The following OSBPL9 variants were observed in gnomAD, a reference collection of about 807,000 sequenced individuals.
OSBPL9 encodes oxysterol-binding protein-related protein 9.
In OSBPL9, 40 loss-of-function variants were observed where a neutral mutation model predicts 106.6. The observed-to-expected ratio is 0.38, with a 90% CI of 0.29 to 0.49. The LOEUF is 0.49. Among genes scored for constraint, OSBPL9 ranks in the 20% least tolerant of loss-of-function variants. The pLI is 0.97. For missense variants in OSBPL9, 609 were observed against 887.2 expected (o/e 0.69, Z 3.98); for synonymous variants, 269 against 295.4 (o/e 0.91, Z 0.92).
chr1:51,545,007 C>G, the OSBPL9 span, among the ~76,000 whole-genome samples: 1 of 151,946 alleles, frequency 6.6e-6, no homozygotes, highest in Non-Finnish European at 1.5e-5. Context: ...CCACTCCTGG[C>G]TAATTTTTGT....
intron 1 of OSBPL9, among the ~76,000 whole-genome samples, chr1:51,623,061 A>G (rs1198003495): frequency 1.3e-5 from 2 of 152,190 alleles, no homozygotes; most frequent in African/African-American, 4.8e-5. Flanking sequence ...TGGCTTGAAT[A>G]CTGCTGAAAG....
At chr1:51,696,191 T>C (rs1027308135) in intron 3 of OSBPL9, among the ~76,000 whole-genome samples, 4 of 152,142 alleles carry the variant, frequency 2.6e-5, no homozygotes, top group African/African-American at 4.8e-5. Flanking sequence ...ATGAGCAACA[T>C]AGGTGGAGAA....
chr1:51,688,577 A>T (rs1654314057), intron 3 of OSBPL9, among the ~76,000 whole-genome samples: 1 of 152,188 alleles, frequency 6.6e-6, no homozygotes, highest in African/African-American at 2.4e-5. Context: ...TGATTGTGTC[A>T]GTGCACACCA....
At chr1:51,708,578 T>A (rs964479846) in intron 3 of OSBPL9, among the ~76,000 whole-genome samples, 1 of 152,216 alleles carries the variant, frequency 6.6e-6, no homozygotes, top group African/African-American at 2.4e-5. Flanking sequence ...ATCATATACT[T>A]TTACAAATCT....
At chr1:51,755,333 T>C (rs1289949809) in intron 8 of OSBPL9, among the ~76,000 whole-genome samples, 3 of 152,234 alleles carry the variant, frequency 2.0e-5, no homozygotes, top group African/African-American at 7.2e-5. Context: ...AATTTTAGCA[T>C]ACTTCTATCA....
chr1:51,786,997 G>A (rs1450661579), intron 22 of OSBPL9, among the ~76,000 whole-genome samples: 1 of 152,108 alleles, frequency 6.6e-6, no homozygotes, highest in Non-Finnish European at 1.5e-5. Context: ...ACACTTACAG[G>A]TATATATTAA....
chr1:51,711,516 C>T (rs1248743920), intron 3 of OSBPL9, among the ~76,000 whole-genome samples: 4 of 18,486 alleles, frequency 2.2e-4, no homozygotes, highest in African/African-American at 6.7e-4. Flanking sequence ...GGGGGGCTGA[C>T]CCCCCACCTC....
At chr1:51,551,329 G>A in the OSBPL9 span, among the ~76,000 whole-genome samples, 4 of 151,900 alleles carry the variant, frequency 2.6e-5, no homozygotes, top group Non-Finnish European at 5.9e-5. Context: ...CTCTGTAGTG[G>A]GATCCAATTC....
chr1:51,734,660 T>A (rs1000853796), intron 4 of OSBPL9, among the ~76,000 whole-genome samples: 7 of 152,184 alleles, frequency 4.6e-5, no homozygotes, highest in Admixed American at 1.3e-4. Context: ...TTTTTAAAAA[T>A]TTTTATTATT....
chr1:51,685,013 T>A (rs1653459254), intron 3 of OSBPL9, among the ~76,000 whole-genome samples: 1 of 151,662 alleles, frequency 6.6e-6, no homozygotes, highest in Non-Finnish European at 1.5e-5. Flanking sequence ...CTGGCTCAAG[T>A]TATCCTCCTA....
chr1:51,732,339 G>A (rs898403422), intron 4 of OSBPL9, among the ~76,000 whole-genome samples: 2 of 152,126 alleles, frequency 1.3e-5, no homozygotes, highest in South Asian at 2.1e-4. Context: ...ACTGTAGAGC[G>A]AAAACAGATA....
At chr1:51,577,680 C>T (rs1159898991) in intron 1 of OSBPL9, among the ~76,000 whole-genome samples, 2 of 152,168 alleles carry the variant, frequency 1.3e-5, no homozygotes. Context: ...GTGTAATAAC[C>T]ATAGCTACTG....
chr1:51,608,554 C>T (rs1643964550), intron 2 of OSBPL9, among the ~76,000 whole-genome samples: 1 of 151,894 alleles, frequency 6.6e-6, no homozygotes, highest in African/African-American at 2.4e-5. Flanking sequence ...CCACCCACCT[C>T]AGCCTCCCAA....
intron 4 of OSBPL9, among the ~76,000 whole-genome samples, chr1:51,722,156 A>AAAAT (rs1318619094): frequency 4.0e-4 from 47 of 118,350 alleles, no homozygotes; most frequent in African/African-American, 1.4e-3. Flanking sequence ...CTCCATCTCT[A>AAAAT]AAATAAATAG....
chr1:51,634,081 C>T (rs1322805761), intron 1 of OSBPL9, among the ~76,000 whole-genome samples: 1 of 152,220 alleles, frequency 6.6e-6, no homozygotes, highest in African/African-American at 2.4e-5. Flanking sequence ...TTTCATGGGT[C>T]TAGCTGTTGT....
At chr1:51,757,986 GTAT>G (rs1670694682) in intron 9 of OSBPL9, among the ~76,000 whole-genome samples, 1 of 152,140 alleles carries the variant, frequency 6.6e-6, no homozygotes, top group Admixed American at 6.5e-5. Flanking sequence ...GGGCTGAGTA[GTAT>G]TATTTTTGCT....
chr1:51,784,984 C>T (rs553728881), intron 20 of OSBPL9: 3 of 197,980 alleles, frequency 1.5e-5, no homozygotes, highest in Admixed American at 5.4e-5. Context: ...TGTGCCTTTG[C>T]TGGGGAAAAA....
At chr1:51,770,913 C>T (rs180935028) in intron 12 of OSBPL9, among the ~76,000 whole-genome samples, 1 of 152,150 alleles carries the variant, frequency 6.6e-6, no homozygotes, top group East Asian at 1.9e-4. Flanking sequence ...TTATCAAAAC[C>T]GATAGAACAG....
Position 51,729,734 on chromosome 1 carries a change from G to A in OSBPL9, c.318+15655G>A. ...GGTGACCCATGGCCAATCGCCAGGGGTCTCTTTGCCAGGAGCCGCCAGGGC... is the reference window on the plus strand; with the variant it reads ...GGTGACCCATGGCCAATCGCCAGGGATCTCTTTGCCAGGAGCCGCCAGGGC... On this transcript the variant is annotated intron_variant, in intron 4 of 23. Transcript: ENST00000428468. The surrounding 1 kb of genome is among the most constrained non-coding windows in gnomAD (Gnocchi z 5.1). 3 of 986,646 alleles carry A rather than the reference G, an allele frequency of 3.0e-6. No homozygotes were observed. Among genetic ancestry groups the A allele is most frequent in the Non-Finnish European group, 3.9e-6 (3 of 762,840 alleles). The allele number at this position is 986,646 out of a possible 1,614,324, so 61.1% of individuals were successfully genotyped here.
Sources: allele counts gnomAD v4.1 joint callset (sites outside exome capture counted in the v4.1 genomes callset), GRCh38; gene constraint gnomAD v4.1.1; non-coding constraint Gnocchi (gnomAD v3.1); transcripts MANE v1.5; gene names NCBI Gene and HGNC (gene_info 2026-07-23, HGNC 2026-07-21).